The following TARBP1 variants were observed in gnomAD, a reference collection of about 807,000 sequenced individuals.
TARBP1 encodes tRNA (guanosine(18)-2'-O)-methyltransferase TARBP1.
In TARBP1, 144 loss-of-function variants were observed where a neutral mutation model predicts 178.6. That is an observed-to-expected ratio of 0.81 (90% confidence interval 0.70 to 0.93). The LOEUF is 0.93. TARBP1 is among the 40% of genes least tolerant of loss of function. The probability of loss-of-function intolerance (pLI) is 0.00; values close to 1 mark genes in which losing one functional copy is unlikely to be tolerated. For missense variants in TARBP1, 2,067 were observed against 2,011.7 expected (o/e 1.03, Z -0.53); for synonymous variants, 787 against 781.0 (o/e 1.01, Z -0.13).
intron 1 of TARBP1, among the ~76,000 whole-genome samples, chr1:234,473,363 G>C (rs560021497): frequency 8.5e-4 from 129 of 152,216 alleles, no homozygotes; most frequent in Non-Finnish European, 1.6e-3. Flanking sequence ...CACATCCCCA[G>C]GCCACTTTCC....
At position 234,405,920 on chromosome 1, in the gene TARBP1, T is replaced by C; in HGVS notation, c.3972A>G (p.Glu1324=). 9 of 1,614,084 alleles carry C rather than the reference T, an allele frequency of 5.6e-6. No individual in the cohort carries two copies. The highest frequency in any genetic ancestry group is 7.6e-6 in the Non-Finnish European group (9 of 1,179,972). The part of the protein sequence containing the change: ...PVIESSLHQV[E]SMHGAGNAKK... ...CTCCTTACCCTGCTCCGTGCATGCTTTCCACTTGATGGAGGCTGGATTCAA... is the reference window on the plus strand; with the variant it reads ...CTCCTTACCCTGCTCCGTGCATGCTCTCCACTTGATGGAGGCTGGATTCAA... The change falls in exon 24 of 30, where the codon GAA becomes GAG. Residue 1324 remains glutamate (E), a synonymous_variant. Transcript: ENST00000040877.
chr1:234,394,194 T>A (rs1659689262), intron 26 of TARBP1, among the ~76,000 whole-genome samples: 1 of 152,228 alleles, frequency 6.6e-6, no homozygotes, highest in African/African-American at 2.4e-5. Context: ...CATAAAATAA[T>A]GATGTATCTT....
chr1:234,399,148 C>T (rs530317308), intron 25 of TARBP1, among the ~76,000 whole-genome samples: 5 of 152,336 alleles, frequency 3.3e-5, no homozygotes, highest in Non-Finnish European at 7.3e-5. Context: ...AAACAGTCAT[C>T]GCATAAGCAA....
intron 15 of TARBP1, 77 bp from the exon 16 acceptor site, chr1:234,429,754 T>G: frequency 2.3e-6 from 2 of 885,286 alleles, no homozygotes; most frequent in Non-Finnish European, 3.1e-6. Flanking sequence ...CACACTATCC[T>G]TTCTAAAGGT....
intron 7 of TARBP1, among the ~76,000 whole-genome samples, chr1:234,459,811 CA>C (rs879670903): frequency 0.018 from 2,370 of 133,720 alleles, 60 homozygotes; most frequent in African/African-American, 0.058. Flanking sequence ...GACTCCAGCT[CA>C]AAAAAAAAAA....
At chr1:234,410,612 A>G (rs1661708412) in intron 22 of TARBP1, 81 bp from the exon 23 acceptor site, 1 of 870,516 alleles carries the variant, frequency 1.1e-6, no homozygotes, top group Non-Finnish European at 1.8e-6. Context: ...GCTGGACTCT[A>G]TGAGGGCCCA....
At position 234,405,936 on chromosome 1, in the gene TARBP1, C is replaced by A. The variant is rs1661192450; in HGVS notation, c.3956G>T (p.Ser1319Ile). ...GTGCATGCTTTCCACTTGATGGAGG[C>A]TGGATTCAATCACAGGAGTCAGGGC... is the stretch of plus-strand genomic sequence containing the variant. ...FDALTPVIES[S>I]LHQVESMHGA... is the part of the protein sequence containing the mutation. The change falls in exon 24 of 30, where the codon AGC becomes ATC. Residue 1319 changes from serine to isoleucine, a missense_variant. Coordinates refer to ENST00000040877, the MANE Select transcript of TARBP1 (RefSeq NM_005646.4). The A allele has an allele frequency of 6.2e-7, 1 of 1,614,004 alleles. No homozygotes were observed. The highest frequency in any genetic ancestry group is 8.5e-7 in the Non-Finnish European group (1 of 1,180,012).
At position 234,391,639 on chromosome 1, in the gene TARBP1, C is replaced by T. The variant is rs968913591; in HGVS notation, c.4804G>A (p.Ala1602Thr). 9.9e-6 allele frequency: 16 copies of T among 1,613,508 alleles called. No homozygotes were observed. Among genetic ancestry groups the T allele is most frequent in the Non-Finnish European group, 1.4e-5 (16 of 1,180,000 alleles). Residue 1602 changes from alanine (A) to threonine (T), a missense_variant, in exon 30 of 30, where the codon GCC becomes ACC. Coordinates refer to ENST00000040877, the MANE Select transcript of TARBP1 (RefSeq NM_005646.4). ...CTGGTGTACTCCCAGATCAGCAGGG[C>T]TCCACTCACATGGACATTCAGGGAG... is the stretch of plus-strand genomic sequence containing the variant. ...IRSLNVHVSG[A>T]LLIWEYTRQQ...
chr1:234,450,392 G>C (rs765468647), intron 10 of TARBP1, 36 bp downstream of exon 10: 5 of 1,516,380 alleles, frequency 3.3e-6, no homozygotes, highest in Non-Finnish European at 3.5e-6. Context: ...AAAATATTTT[G>C]GTTATATCAA....
chr1:234,444,272 C>T lies in TARBP1; in HGVS notation c.2134+2531G>A, dbSNP rs114915571. On this transcript the variant is annotated intron_variant, in intron 12 of 29. Coordinates refer to ENST00000040877, the MANE Select transcript of TARBP1 (RefSeq NM_005646.4). ...TGACAAATTCAGCCAGTAGTGAGGA[C>T]AGAAGCAGTATACTGAAGGCTCATA... Among the ~76,000 whole-genome samples the T allele has an allele frequency of 2.5e-3, 385 of 152,190 alleles. 2 individuals are homozygous for T. Among genetic ancestry groups the T allele is most frequent in the African/African-American group, 8.7e-3 (360 of 41,514 alleles).
chr1:234,415,166 T>C (rs1276680151), intron 22 of TARBP1, among the ~76,000 whole-genome samples: 1 of 151,994 alleles, frequency 6.6e-6, no homozygotes, highest in East Asian at 1.9e-4. Context: ...GAAAAGCCAA[T>C]GGGACCATTT....
intron 28 of TARBP1, 98 bp downstream of exon 28, chr1:234,393,264 T>C: frequency 7.9e-7 from 1 of 1,262,392 alleles, no homozygotes; most frequent in Non-Finnish European, 1.0e-6. Flanking sequence ...AAAATATTTT[T>C]ACAAATACAA....
chr1:234,459,389 T>C, intron 7 of TARBP1, 63 bp from the exon 8 acceptor site: 2 of 1,297,648 alleles, frequency 1.5e-6, no homozygotes, highest in South Asian at 1.3e-5. Flanking sequence ...TAATTTGTGA[T>C]TATCAACAAG....
rs150734512 is a variant in TARBP1 at position 234,398,480 on chromosome 1, C to A, written c.4145G>T (p.Arg1382Ile). The stretch of plus-strand genomic sequence containing the variant: ...CGCAGCTAAAGGAACATCAGTGAAT[C>A]TGGTAAATTTATCAATGGTGATCCA... ...DEWITIDKFT[R>I]FTDVPLAAGF... Residue 1382 changes from arginine (R) to isoleucine (I), a missense_variant, in exon 26 of 30, where the codon AGA becomes ATA. Physicochemically the swap from Arg to Ile is moderately conservative, Grantham distance 97. Coordinates refer to ENST00000040877, the MANE Select transcript of TARBP1 (RefSeq NM_005646.4). 5 of 1,611,614 alleles carry A rather than the reference C, an allele frequency of 3.1e-6. No individual in the cohort carries two copies. The highest frequency in any genetic ancestry group is 4.2e-6 in the Non-Finnish European group (5 of 1,178,512).
chr1:234,427,714 G>A lies in TARBP1; in HGVS notation c.3113C>T (p.Thr1038Ile), dbSNP rs3820602. The change falls in exon 18 of 30, where the codon ACA (threonine) becomes ATA (isoleucine). Residue 1038 changes from threonine to isoleucine, a missense_variant. Transcript: ENST00000040877. ...MSAIKTGVFN[T>I]LISYCCQSWI... ...AGACTGACAGCAGTAACTTATCAGT[G>A]TATTGAAGACTCCAGTCTTTATAGC... The A allele has an allele frequency of 6.7e-5, 103 of 1,526,966 alleles. 2 individuals carry two copies. The East Asian group carries it at 2.1e-3, about 32-fold the overall frequency. 94.6% of individuals were successfully genotyped at this position (1,526,966 alleles called of 1,614,324 possible).
chr1:234,441,448 G>T (rs1558212673), intron 12 of TARBP1, among the ~76,000 whole-genome samples: 1 of 152,144 alleles, frequency 6.6e-6, no homozygotes, highest in African/African-American at 2.4e-5. Flanking sequence ...AAACCTTGTG[G>T]TATTGGCAAA....
chr1:234,459,400 T>C lies in TARBP1; in HGVS notation c.1536-74A>G, dbSNP rs1028805522. The C allele has an allele frequency of 2.3e-5, 28 of 1,193,694 alleles. 2 individuals carry two copies. In the South Asian group the frequency reaches 3.2e-4, roughly 14 times the overall value. The allele number at this position is 1,193,694 out of a possible 1,614,324, so 73.9% of individuals were successfully genotyped here. A position where few individuals can be genotyped will look rare whatever the true frequency, so the allele number is the denominator to read the frequency against. On this transcript the variant is annotated intron_variant, in intron 7 of 29. Coordinates refer to ENST00000040877, the MANE Select transcript of TARBP1 (RefSeq NM_005646.4). ...CTGATAATTTGTGATTATCAACAAG[T>C]TGATTTATAACAACTACACTTCCTA... is the stretch of plus-strand genomic sequence containing the variant.
chr1:234,409,276 G>C (rs967234476), intron 23 of TARBP1, among the ~76,000 whole-genome samples: 2 of 151,938 alleles, frequency 1.3e-5, no homozygotes, highest in African/African-American at 4.8e-5. Context: ...GTACAAAAAG[G>C]GCTTGACAGA....
At position 234,460,352 on chromosome 1, in the gene TARBP1, A is replaced by G; in HGVS notation, c.1444T>C (p.Trp482Arg). 6.2e-7 allele frequency: 1 copy of G among 1,614,224 alleles called. No individual in the cohort carries two copies. The highest frequency in any genetic ancestry group is 1.1e-5 in the South Asian group (1 of 91,088). ...KFIRKMTSRHWCAVPILFLSK... is the reference protein window; with the variant it reads ...KFIRKMTSRHRCAVPILFLSK... Reference sequence around the variant, plus strand: ...AGAAACAAAATGGGAACAGCACACCAATGCCTACTTGTCATCTTCCGAATA... The same window carrying G: ...AGAAACAAAATGGGAACAGCACACCGATGCCTACTTGTCATCTTCCGAATA... The change falls in exon 7 of 30, where the codon TGG becomes CGG. Residue 482 changes from tryptophan (W) to arginine (R), a missense_variant. By Grantham distance (101) the Trp-to-Arg change is moderately radical. Transcript: ENST00000040877.
Sources: allele counts gnomAD v4.1 joint callset (sites outside exome capture counted in the v4.1 genomes callset), GRCh38; gene constraint gnomAD v4.1.1; transcripts MANE v1.5; gene names NCBI Gene and HGNC (gene_info 2026-07-23, HGNC 2026-07-21).